Variants in MAPK10 observed in about 807,000 individuals in gnomAD.
MAPK10 encodes the protein JNK3 alpha protein kinase.
Under a neutral mutation model 59.3 loss-of-function variants are expected in MAPK10, and 25 were observed. The ratio of observed to expected loss-of-function variants is 0.42; its 90% CI spans 0.31 to 0.59. The LOEUF (loss-of-function observed/expected upper bound fraction) is 0.59. Among genes scored for constraint, MAPK10 ranks in the 20% least tolerant of loss-of-function variants. The pLI, the probability that MAPK10 is intolerant of heterozygous loss-of-function variation, is 0.15. For synonymous variants in MAPK10, 190 were observed against 200.5 expected, an observed-to-expected ratio of 0.95 and a Z score of 0.44; for missense variants, 351 against 568.9, an observed-to-expected ratio of 0.62 and a Z score of 3.90.
intron 2 of MAPK10, among the ~76,000 whole-genome samples, chr4:86,205,704 A>G (rs1337100591): frequency 6.6e-6 from 1 of 152,072 alleles, no homozygotes; most frequent in Non-Finnish European, 1.5e-5. Flanking sequence ...CACATTAAAA[A>G]AGAAAAATTC....
At chr4:86,503,212 T>G (rs889582936) in intron 1 of MAPK10, among the ~76,000 whole-genome samples, 3 of 152,136 alleles carry the variant, frequency 2.0e-5, no homozygotes, top group African/African-American at 4.8e-5. Flanking sequence ...CATCATGCAA[T>G]TTCAAAATTT....
At chr4:86,194,632 T>G (rs2080857594) in intron 2 of MAPK10, among the ~76,000 whole-genome samples, 1 of 152,012 alleles carries the variant, frequency 6.6e-6, no homozygotes, top group Non-Finnish European at 1.5e-5. Context: ...ATCACACTCA[T>G]AAAGATTAGA....
At chr4:86,087,840 G>A (rs2052236429) in intron 9 of MAPK10, among the ~76,000 whole-genome samples, 1 of 151,928 alleles carries the variant, frequency 6.6e-6, no homozygotes, top group Admixed American at 6.6e-5. Context: ...ATCCTCAAGT[G>A]TGTATATTAC....
At chr4:86,391,496 T>C (rs931039324) in intron 1 of MAPK10, among the ~76,000 whole-genome samples, 3 of 152,184 alleles carry the variant, frequency 2.0e-5, no homozygotes, top group African/African-American at 7.2e-5. Flanking sequence ...CATGAATTTT[T>C]TGTCACTCCA....
intron 3 of MAPK10, among the ~76,000 whole-genome samples, chr4:86,161,510 G>C (rs1224176219): frequency 6.6e-6 from 1 of 152,048 alleles, no homozygotes; most frequent in African/African-American, 2.4e-5. Context: ...ATAAAGCCCT[G>C]CTTTTTTTCC....
intron 1 of MAPK10, among the ~76,000 whole-genome samples, chr4:86,389,300 C>A (rs564929543): frequency 6.6e-6 from 1 of 152,294 alleles, no homozygotes; most frequent in African/African-American, 2.4e-5. Context: ...GCCTGCAGAA[C>A]CATGAGCCAA....
At chr4:86,123,699 T>C (rs1001875553) in intron 4 of MAPK10, 2 of 152,036 alleles carry the variant, frequency 1.3e-5, no homozygotes, top group East Asian at 3.9e-4. Flanking sequence ...TGCAAATAAA[T>C]TACCAGTAAG....
At chr4:86,319,340 G>C (rs1195327582) in intron 2 of MAPK10, among the ~76,000 whole-genome samples, 4 of 152,144 alleles carry the variant, frequency 2.6e-5, no homozygotes, top group Non-Finnish European at 5.9e-5. Flanking sequence ...TCATTTCAGA[G>C]TCCAAAGACT....
chr4:86,114,593 G>A (rs1314603198), intron 4 of MAPK10, among the ~76,000 whole-genome samples: 1 of 152,210 alleles, frequency 6.6e-6, no homozygotes, highest in Non-Finnish European at 1.5e-5. Context: ...CTGAGCTGAT[G>A]CTGGCCAGAA....
intron 1 of MAPK10, among the ~76,000 whole-genome samples, chr4:86,436,562 T>C (rs1665804158): frequency 6.6e-6 from 1 of 152,208 alleles, no homozygotes; most frequent in African/African-American, 2.4e-5. Context: ...CTAATAGTTT[T>C]GTTGCTGATG....
intron 1 of MAPK10, among the ~76,000 whole-genome samples, chr4:86,365,367 G>C (rs1423007304): frequency 7.1e-6 from 1 of 141,432 alleles, no homozygotes; most frequent in African/African-American, 2.6e-5. Context: ...GGGAGGTGGA[G>C]GTTGCAGTGA....
chr4:86,269,024 CATA>C (rs1253652146), intron 2 of MAPK10, among the ~76,000 whole-genome samples: 1 of 152,108 alleles, frequency 6.6e-6, no homozygotes, highest in Non-Finnish European at 1.5e-5. Context: ...TGGCTGACTT[CATA>C]ATGTCTACTA....
chr4:86,507,372 G>A (rs1268259769), intron 1 of MAPK10, among the ~76,000 whole-genome samples: 9 of 151,388 alleles, frequency 5.9e-5, no homozygotes, highest in South Asian at 2.1e-4. Flanking sequence ...AGAGTAGTGC[G>A]GAGAAAAAAC....
chr4:86,015,174 T>G lies in MAPK10; in HGVS notation c.*2054A>C, dbSNP rs1172806804. On this transcript the variant is annotated 3_prime_UTR_variant, in exon 14 of 14. Transcript: ENST00000641462. ...AGGGGACAAGCTGCACAAAGGAATG[T>G]TCTTCTATTTATTTTAAACAAATGA... 6.6e-6 allele frequency: 1 copy of G among 152,070 alleles called. No homozygotes were observed. Among genetic ancestry groups the G allele is most frequent in the East Asian group, 1.9e-4 (1 of 5,188 alleles). 9.4% of individuals were successfully genotyped at this position (152,070 alleles called of 1,614,324 possible). A position where few individuals can be genotyped will look rare whatever the true frequency, so the allele number is the denominator to read the frequency against.
At chr4:86,362,471 C>G (rs1284803759), upstream of MAPK10, among the ~76,000 whole-genome samples, 3 of 150,716 alleles carry the variant, frequency 2.0e-5, no homozygotes, top group East Asian at 5.8e-4. Context: ...CCTAAGTCAC[C>G]ATTAAGAAAA....
chr4:86,136,989 C>T (rs1348991283), intron 4 of MAPK10, among the ~76,000 whole-genome samples: 36 of 152,226 alleles, frequency 2.4e-4, no homozygotes, highest in African/African-American at 8.2e-4. Context: ...AGCTAACTAT[C>T]CTAAATATAT....
intron 4 of MAPK10, among the ~76,000 whole-genome samples, chr4:86,156,648 T>C (rs920531969): frequency 2.6e-5 from 4 of 152,006 alleles, no homozygotes; most frequent in Non-Finnish European, 4.4e-5. Context: ...AATGAGAAAG[T>C]AGAAAATGTT....
At chr4:86,046,731 C>T (rs749246592) in intron 11 of MAPK10, among the ~76,000 whole-genome samples, 3 of 152,058 alleles carry the variant, frequency 2.0e-5, no homozygotes, top group Non-Finnish European at 4.4e-5. Flanking sequence ...ATATTAGCCA[C>T]ACAATCATGG....
chr4:86,327,777 T>C (rs1164558524), intron 2 of MAPK10: 1 of 22,622 alleles, frequency 4.4e-5, no homozygotes, highest in Non-Finnish European at 9.6e-5. Flanking sequence ...CCATCTCTAC[T>C]AAAAATACAA....
Sources: gnomAD v4.1 joint callset for allele counts (sites outside exome capture counted in the v4.1 genomes callset) on GRCh38, gnomAD v4.1.1 for gene constraint, MANE v1.5 for transcripts, NCBI Gene and HGNC (gene_info 2026-07-23, HGNC 2026-07-21) for gene names.